EPHA3: variants seen among roughly 807,000 people sequenced by gnomAD.
The protein encoded by EPHA3 is EPH receptor A3.
Under a neutral mutation model 107.1 loss-of-function variants are expected in EPHA3, and 42 were observed. That is an observed-to-expected ratio of 0.39 (90% CI 0.31 to 0.51). The LOEUF is 0.51. Ranked by LOEUF, EPHA3 falls within the 20% of genes least tolerant of loss-of-function variation. The pLI is 0.78. For missense variants in EPHA3, 1,183 were observed against 1,211.2 expected (o/e 0.98, Z 0.35); for synonymous variants, 461 against 424.8 (o/e 1.09, Z -1.05).
At chr3:89,380,725 A>G (rs1708484449) in intron 5 of EPHA3, among the ~76,000 whole-genome samples, 1 of 152,032 alleles carries the variant, frequency 6.6e-6, no homozygotes, top group African/African-American at 2.4e-5. Flanking sequence ...TAAACTTGTA[A>G]GTGTACTATA....
chr3:89,255,903 AAAATAAATAAAT>A (rs531479796), intron 3 of EPHA3, among the ~76,000 whole-genome samples: 32 of 151,782 alleles, frequency 2.1e-4, no homozygotes, highest in African/African-American at 7.5e-4. Context: ...TCCATCTCAA[AAAATAAATAAAT>A]AAATAAATAA....
intron 5 of EPHA3, among the ~76,000 whole-genome samples, chr3:89,392,158 G>A (rs1464353342): frequency 3.3e-5 from 5 of 152,218 alleles, no homozygotes; most frequent in Admixed American, 1.3e-4. Context: ...TTAAAAATCC[G>A]GAGGGGCGCA....
At chr3:89,331,561 AACATACCTAGG>A (rs1244136310) in intron 3 of EPHA3, among the ~76,000 whole-genome samples, 1 of 151,434 alleles carries the variant, frequency 6.6e-6, no homozygotes, top group Non-Finnish European at 1.5e-5. Context: ...TGTGTAGATG[AACATACCTAGG>A]ACCTAAGTGT....
chr3:89,406,440 T>G (rs1709056741), intron 7 of EPHA3, among the ~76,000 whole-genome samples: 1 of 152,162 alleles, frequency 6.6e-6, no homozygotes, highest in African/African-American at 2.4e-5. Context: ...AATAAATATT[T>G]TAGGCTTTGT....
At chr3:89,140,360 T>C (rs1233420298) in intron 2 of EPHA3, among the ~76,000 whole-genome samples, 2 of 151,860 alleles carry the variant, frequency 1.3e-5, no homozygotes, top group Admixed American at 6.6e-5. Flanking sequence ...TTGGATATGT[T>C]ATCTTCTAGC....
chr3:89,349,916 CT>C, intron 5 of EPHA3, among the ~76,000 whole-genome samples: 1 of 146,418 alleles, frequency 6.8e-6, no homozygotes, highest in East Asian at 2.0e-4. Flanking sequence ...GTTGAAAATT[CT>C]TTTCTTTGAG....
At chr3:89,425,379 A>G in intron 11 of EPHA3, among the ~76,000 whole-genome samples, 1 of 145,234 alleles carries the variant, frequency 6.9e-6, no homozygotes, top group East Asian at 2.0e-4. Context: ...AATTTTGTCA[A>G]TTTTTTTCAA....
chr3:89,432,377 G>C (rs1488541258), intron 13 of EPHA3, among the ~76,000 whole-genome samples: 1 of 151,900 alleles, frequency 6.6e-6, no homozygotes, highest in Non-Finnish European at 1.5e-5. Context: ...TTGTTGTTTT[G>C]TTTTGTGTTT....
At chr3:89,258,755 C>T (rs567779018) in intron 3 of EPHA3, among the ~76,000 whole-genome samples, 106 of 152,212 alleles carry the variant, frequency 7.0e-4, no homozygotes, top group African/African-American at 2.1e-3. Flanking sequence ...GGATCCCCAC[C>T]TCAGTCAAAG....
chr3:89,415,493 A>ATATATATATATATATATAT (rs1559687639), intron 10 of EPHA3, among the ~76,000 whole-genome samples: 1 of 93,420 alleles, frequency 1.1e-5, no homozygotes, highest in Non-Finnish European at 2.3e-5. Flanking sequence ...TATATATATA[A>ATATATATATATATATATAT]GCTAATTCTC....
intron 11 of EPHA3, among the ~76,000 whole-genome samples, chr3:89,421,083 A>G (rs1471986499): frequency 1.3e-5 from 2 of 151,440 alleles, no homozygotes; most frequent in Non-Finnish European, 3.0e-5. Context: ...ACAGGTTTCT[A>G]CTTGTCTTTT....
chr3:89,379,084 T>C (rs1480978489), intron 5 of EPHA3, among the ~76,000 whole-genome samples: 1 of 152,186 alleles, frequency 6.6e-6, no homozygotes, highest in Non-Finnish European at 1.5e-5. Context: ...TCATGGAAAT[T>C]AAGCAGCAGG....
intron 2 of EPHA3, among the ~76,000 whole-genome samples, chr3:89,183,925 G>A (rs1210396493): frequency 6.6e-6 from 1 of 151,826 alleles, no homozygotes. Context: ...AAATGATTAT[G>A]TAAATGATCA....
At chr3:89,272,689 C>A (rs1232561724) in intron 3 of EPHA3, among the ~76,000 whole-genome samples, 1 of 151,868 alleles carries the variant, frequency 6.6e-6, no homozygotes, top group Non-Finnish European at 1.5e-5. Context: ...TGGCTTTGAT[C>A]TTTTACTTGG....
chr3:89,309,302 C>T (rs1435225464), intron 3 of EPHA3, among the ~76,000 whole-genome samples: 6 of 152,138 alleles, frequency 3.9e-5, no homozygotes, highest in African/African-American at 4.8e-5. Flanking sequence ...CATTTTGATA[C>T]GGAGAAGGGG....
At chr3:89,410,704 A>G (rs1413427069) in intron 9 of EPHA3, among the ~76,000 whole-genome samples, 3 of 151,976 alleles carry the variant, frequency 2.0e-5, no homozygotes, top group Non-Finnish European at 4.4e-5. Flanking sequence ...TGACTAAATG[A>G]AAAGACTCCA....
chr3:89,133,203 T>A (rs995042848), intron 2 of EPHA3, among the ~76,000 whole-genome samples: 1 of 152,170 alleles, frequency 6.6e-6, no homozygotes, highest in Non-Finnish European at 1.5e-5. Context: ...AAGTTGACAG[T>A]GTTGTGTGAA....
At chr3:89,438,003 A>G (rs1370754273) in intron 13 of EPHA3, among the ~76,000 whole-genome samples, 1 of 152,184 alleles carries the variant, frequency 6.6e-6, no homozygotes, top group Non-Finnish European at 1.5e-5. Flanking sequence ...TTTATTTTAC[A>G]TAATAATTTA....
chr3:89,120,865 T>A (rs1239502767), intron 1 of EPHA3, among the ~76,000 whole-genome samples: 2 of 152,222 alleles, frequency 1.3e-5, no homozygotes, highest in African/African-American at 4.8e-5. Flanking sequence ...AGAAATCTTC[T>A]TATATCACAT....
Sources: gnomAD v4.1 joint callset for allele counts (sites outside exome capture counted in the v4.1 genomes callset) on GRCh38, gnomAD v4.1.1 for gene constraint, MANE v1.5 for transcripts, NCBI Gene and HGNC (gene_info 2026-07-23, HGNC 2026-07-21) for gene names.